Variants in EFCAB6 observed in about 807,000 individuals in gnomAD.
EFCAB6 encodes EF-hand calcium binding domain 6, also known as EF-hand calcium-binding domain-containing protein 6.
A neutral mutation model predicts 169.8 loss-of-function variants in EFCAB6; 156 were observed. That is an observed-to-expected ratio of 0.92 (90% confidence interval 0.81 to 1.05). The LOEUF (loss-of-function observed/expected upper bound fraction) is 1.05. Among genes scored for constraint, EFCAB6 ranks in the 50% least tolerant of loss-of-function variants. The pLI is 0.00. For synonymous variants in EFCAB6, 698 were observed against 676.4 expected (o/e 1.03, Z -0.50); for missense variants, 1,800 against 1,829.1 (o/e 0.98, Z 0.29).
intron 26 of EFCAB6, among the ~76,000 whole-genome samples, chr22:43,558,606 C>T (rs2048846050): frequency 6.6e-6 from 1 of 152,160 alleles, no homozygotes; most frequent in Non-Finnish European, 1.5e-5. Context: ...ACTTCAATGT[C>T]TTATTTTAAG....
intron 10 of EFCAB6, among the ~76,000 whole-genome samples, chr22:43,707,935 G>A (rs1173346870): frequency 6.6e-6 from 1 of 152,034 alleles, no homozygotes; most frequent in Non-Finnish European, 1.5e-5. Flanking sequence ...GGAAGGTGAA[G>A]GCGCTTTTTC....
chr22:43,770,046 G>A (rs1342412636), intron 4 of EFCAB6, among the ~76,000 whole-genome samples: 1 of 151,956 alleles, frequency 6.6e-6, no homozygotes, highest in African/African-American at 2.4e-5. Context: ...TAGTAGAGAC[G>A]GGGTTTCTCC....
chr22:43,698,077 A>T (rs964044188), intron 10 of EFCAB6, among the ~76,000 whole-genome samples: 7 of 152,330 alleles, frequency 4.6e-5, no homozygotes, highest in African/African-American at 1.4e-4. Context: ...ATGCTGAGTC[A>T]GCTTCCCCAG....
At chr22:43,781,005 C>G (rs1211025299) in intron 3 of EFCAB6, among the ~76,000 whole-genome samples, 2 of 152,208 alleles carry the variant, frequency 1.3e-5, no homozygotes, top group Non-Finnish European at 2.9e-5. Flanking sequence ...AATTCTTTAT[C>G]TCCCTCTCTA....
intron 8 of EFCAB6, among the ~76,000 whole-genome samples, chr22:43,724,062 C>A (rs1468240645): frequency 6.6e-6 from 1 of 152,116 alleles, no homozygotes; most frequent in Non-Finnish European, 1.5e-5. Flanking sequence ...GGCTGCACTT[C>A]CTTCAGGATT....
chr22:43,600,248 T>C lies in EFCAB6; in HGVS notation c.2697A>G (p.Gly899=), dbSNP rs1269934346. 1.2e-6 allele frequency: 2 copies of C among 1,613,970 alleles called. No individual in the cohort carries two copies. The highest frequency in any genetic ancestry group is 2.7e-5 in the African/African-American group (2 of 75,024). ...EKLWARYDTE[G]KGHITYQEFL... ...ATTCCTGGTAAGTAATGTGCCCTTT[T>C]CCCTCGGTGTCGTATCTTAAAACAA... Residue 899 remains glycine (G), a synonymous_variant, in exon 23 of 32, where the codon GGA becomes GGG. Transcript: ENST00000262726.
intron 17 of EFCAB6, among the ~76,000 whole-genome samples, chr22:43,647,640 A>G (rs989424939): frequency 6.6e-6 from 1 of 152,236 alleles, no homozygotes; most frequent in East Asian, 1.9e-4. Flanking sequence ...TCAAGTTAAG[A>G]TGAAGTCGTG....
At chr22:43,685,261 G>C (rs2058148101) in intron 11 of EFCAB6, among the ~76,000 whole-genome samples, 1 of 152,138 alleles carries the variant, frequency 6.6e-6, no homozygotes, top group African/African-American at 2.4e-5. Flanking sequence ...GGCACACCTA[G>C]AAACCTGGTA....
intron 1 of EFCAB6, among the ~76,000 whole-genome samples, chr22:43,810,460 A>C (rs2063074328): frequency 6.6e-6 from 1 of 152,222 alleles, no homozygotes; most frequent in South Asian, 2.1e-4. Context: ...TGTTATCTCT[A>C]TTCACAGTTT....
intron 7 of EFCAB6, among the ~76,000 whole-genome samples, chr22:43,734,597 C>T (rs2060067141): frequency 6.6e-6 from 1 of 152,118 alleles, no homozygotes; most frequent in Non-Finnish European, 1.5e-5. Context: ...AGAGTGCTGC[C>T]TCTGTTCTAT....
At chr22:43,792,475 A>T (rs1381414298) in intron 2 of EFCAB6, among the ~76,000 whole-genome samples, 2 of 152,246 alleles carry the variant, frequency 1.3e-5, no homozygotes, top group African/African-American at 2.4e-5. Flanking sequence ...AGCTGAAATA[A>T]TAAAACAAGA....
At chr22:43,811,518 A>G (rs989427386) in intron 1 of EFCAB6, among the ~76,000 whole-genome samples, 1 of 152,232 alleles carries the variant, frequency 6.6e-6, no homozygotes, top group Non-Finnish European at 1.5e-5. Flanking sequence ...GACAACCTTC[A>G]AGTAAGCCCT....
intron 17 of EFCAB6, among the ~76,000 whole-genome samples, chr22:43,664,871 T>C (rs1256900237): frequency 2.6e-5 from 4 of 152,036 alleles, no homozygotes; most frequent in South Asian, 2.1e-4. Flanking sequence ...GGCTGCTGGG[T>C]TGACGATGAA....
At position 43,572,572 on chromosome 22, in the gene EFCAB6, T is replaced by TTCA. The variant is rs1367263187; in HGVS notation, c.3420+3722_3420+3724dup. On this transcript the variant is annotated intron_variant, in intron 26 of 31. Transcript: ENST00000262726. The surrounding 1 kb of genome is among the most constrained non-coding windows in gnomAD (Gnocchi z 4.0). ...TGGCCCCATCTCCTTAGACCTCTCC[T>TTCA]TCATCTGCCCCCAAACCAGTTGGCC... Among the ~76,000 whole-genome samples, 3 of 152,196 alleles carry TTCA rather than the reference T, an allele frequency of 2.0e-5. No individual in the cohort carries two copies. Among genetic ancestry groups the TTCA allele is most frequent in the Non-Finnish European group, 4.4e-5 (3 of 68,032 alleles).
chr22:43,797,244 C>T (rs2062544237), intron 2 of EFCAB6: 1 of 152,706 alleles, frequency 6.5e-6, no homozygotes, highest in Non-Finnish European at 1.5e-5. Context: ...GAGCATCTCA[C>T]CTGGCTTTGG....
chr22:43,791,176 C>A (rs1237170021), intron 2 of EFCAB6, among the ~76,000 whole-genome samples: 1 of 152,086 alleles, frequency 6.6e-6, no homozygotes, highest in Non-Finnish European at 1.5e-5. Flanking sequence ...GAGTTCAAGA[C>A]CAGCCTGGGC....
At chr22:43,726,547 C>T (rs2059746544) in intron 8 of EFCAB6, among the ~76,000 whole-genome samples, 1 of 152,228 alleles carries the variant, frequency 6.6e-6, no homozygotes, top group South Asian at 2.1e-4. Flanking sequence ...TGCCTGAGGG[C>T]AGGCCCCAGC....
intron 10 of EFCAB6, among the ~76,000 whole-genome samples, chr22:43,698,461 C>T (rs914260342): frequency 5.9e-5 from 9 of 152,190 alleles, no homozygotes; most frequent in African/African-American, 2.2e-4. Flanking sequence ...ATATCCCATG[C>T]AATATAGCCT....
intron 2 of EFCAB6, among the ~76,000 whole-genome samples, chr22:43,794,961 G>A (rs1603381865): frequency 1.3e-5 from 2 of 152,116 alleles, no homozygotes; most frequent in African/African-American, 4.8e-5. Context: ...AAACTGACCT[G>A]CCTCCACAGC....
Sources: allele counts gnomAD v4.1 joint callset (sites outside exome capture counted in the v4.1 genomes callset), GRCh38; gene constraint gnomAD v4.1.1; non-coding constraint Gnocchi (gnomAD v3.1); transcripts MANE v1.5; gene names NCBI Gene and HGNC (gene_info 2026-07-23, HGNC 2026-07-21).